LAMA3: variants seen among roughly 807,000 people sequenced by gnomAD.
The protein encoded by LAMA3 is laminin subunit alpha-3.
In LAMA3, 281 loss-of-function variants were observed where a neutral mutation model predicts 402.0. The ratio of observed to expected loss-of-function variants is 0.70; its 90% CI spans 0.63 to 0.77. The LOEUF is 0.77. Among genes scored for constraint, LAMA3 ranks in the 30% least tolerant of loss-of-function variants. The pLI is 0.00. For synonymous variants in LAMA3, 1,431 were observed against 1,558.4 expected (o/e 0.92, Z 1.93); for missense variants, 3,840 against 4,215.5 (o/e 0.91, Z 2.47).
At chr18:23,838,749 A>G (rs1338974136) in intron 25 of LAMA3, 32 bp from the exon 26 acceptor site, 15 of 1,259,452 alleles carry the variant, frequency 1.2e-5, no homozygotes, top group Middle Eastern at 1.9e-4. Flanking sequence ...GGTAACTGCA[A>G]TGTGCCTTTG....
At chr18:23,859,396 G>A (rs968688069) in intron 34 of LAMA3, among the ~76,000 whole-genome samples, 1 of 152,098 alleles carries the variant, frequency 6.6e-6, no homozygotes, top group Non-Finnish European at 1.5e-5. Context: ...CACAGGCTAA[G>A]GGCTCAGTTC....
At chr18:23,779,625 C>T (rs181434687) in intron 11 of LAMA3, among the ~76,000 whole-genome samples, 42 of 151,932 alleles carry the variant, frequency 2.8e-4, no homozygotes, top group Middle Eastern at 3.4e-3. Flanking sequence ...GGTGGGAGCT[C>T]GTGGATGTTC....
chr18:23,894,386 G>A, intron 43 of LAMA3, 38 bp downstream of exon 43: 1 of 1,568,214 alleles, frequency 6.4e-7, no homozygotes, highest in Non-Finnish European at 8.8e-7. Flanking sequence ...TTTCCAAGTT[G>A]TGGGGTTTGG....
chr18:23,826,613 T>C (rs1425710112), intron 21 of LAMA3, 89 bp from the exon 22 acceptor site: 3 of 968,606 alleles, frequency 3.1e-6, no homozygotes, highest in East Asian at 2.6e-5. Flanking sequence ...CTGGTTATTA[T>C]TGATTTAACT....
chr18:23,792,105 G>A (rs1354743854), intron 12 of LAMA3, among the ~76,000 whole-genome samples: 1 of 152,104 alleles, frequency 6.6e-6, no homozygotes, highest in Admixed American at 6.5e-5. Context: ...GAGATAATCT[G>A]GGAGGGGGTG....
intron 28 of LAMA3, 43 bp from the exon 29 acceptor site, chr18:23,842,568 A>C: frequency 6.2e-7 from 1 of 1,614,202 alleles, no homozygotes; most frequent in Non-Finnish European, 8.5e-7. Flanking sequence ...GGCTGAATCT[A>C]CAGTCCGGTG....
intron 12 of LAMA3, among the ~76,000 whole-genome samples, chr18:23,809,159 C>T (rs1486203494): frequency 1.3e-5 from 2 of 152,168 alleles, no homozygotes; most frequent in Non-Finnish European, 1.5e-5. Flanking sequence ...TGCGAAGCAT[C>T]GTGCTCAATG....
rs150275205 is a variant in LAMA3 at position 23,770,617 on chromosome 18, C to T, written c.1183-2880C>T. Among the ~76,000 whole-genome samples, 530 of 152,024 alleles carry T rather than the reference C, an allele frequency of 3.5e-3. 7 individuals carry two copies. Among genetic ancestry groups the T allele is most frequent in the African/African-American group, 0.012 (510 of 41,472 alleles). On this transcript the variant is annotated intron_variant, in intron 8 of 74. Coordinates refer to ENST00000313654, the MANE Select transcript of LAMA3 (RefSeq NM_198129.4). The stretch of plus-strand genomic sequence containing the variant: ...TCTACTAAAAATACCAAAAATTAGC[C>T]GGGCATGGTGGCGGGCGCCTGTAGT...
At position 23,907,135 on chromosome 18, in the gene LAMA3, T is replaced by C. The variant is rs370022001; in HGVS notation, c.6719-415T>C. 8.1e-4 allele frequency among the ~76,000 whole-genome samples: 123 copies of C among 152,378 alleles called. 4 individuals carry two copies. The South Asian group carries it at 0.024, about 30-fold the overall frequency. The stretch of plus-strand genomic sequence containing the variant: ...CTACATTATTAATTCATTCATTCAC[T>C]CATGTATTCATTTACTCAACAAACA... On this transcript the variant is annotated intron_variant, in intron 52 of 74. Transcript: ENST00000313654.
chr18:23,845,693 C>T (rs1317798759), intron 30 of LAMA3, among the ~76,000 whole-genome samples: 1 of 152,224 alleles, frequency 6.6e-6, no homozygotes, highest in Non-Finnish European at 1.5e-5. Flanking sequence ...GGGAGGCAGA[C>T]ACCTCCTGTA....
intron 65 of LAMA3, 153 bp downstream of exon 65, chr18:23,931,354 T>G: frequency 1.5e-6 from 1 of 688,964 alleles, no homozygotes; most frequent in Non-Finnish European, 2.5e-6. Context: ...TCCATATCAA[T>G]TTCTTCATAA....
At position 23,952,961 on chromosome 18, in the gene LAMA3, G is replaced by A; in HGVS notation, c.9737-29G>A. The A allele has an allele frequency of 2.5e-6, 4 of 1,613,594 alleles. No individual in the cohort carries two copies. In the South Asian group the frequency reaches 3.3e-5, roughly 13 times the overall value. ...ACATTAAGCAGGGCTCACCTCCGATGATAGACCTAACCAGCCTCCTTTCCC... is the reference window on the plus strand; with the variant it reads ...ACATTAAGCAGGGCTCACCTCCGATAATAGACCTAACCAGCCTCCTTTCCC... On this transcript the variant is annotated intron_variant, in intron 73 of 74. Coordinates refer to ENST00000313654, the MANE Select transcript of LAMA3 (RefSeq NM_198129.4).
intron 59 of LAMA3, among the ~76,000 whole-genome samples, chr18:23,916,305 A>G (rs1198900430): frequency 6.6e-6 from 1 of 152,146 alleles, no homozygotes; most frequent in South Asian, 2.1e-4. Flanking sequence ...AGACATTTCC[A>G]AAAGGGTATC....
chr18:23,898,453 TAAG>T (rs1481397159), intron 44 of LAMA3: 4 of 429,634 alleles, frequency 9.3e-6, no homozygotes, highest in Non-Finnish European at 1.7e-5. Context: ...ATTAATCAGG[TAAG>T]TAGTATCACC....
chr18:23,944,070 C>G, intron 69 of LAMA3, 99 bp downstream of exon 69: 1 of 1,205,888 alleles, frequency 8.3e-7, no homozygotes, highest in Non-Finnish European at 1.2e-6. Flanking sequence ...GACATGAGGG[C>G]GTGGAGTGGG....
chr18:23,816,611 T>C (rs2063180988), intron 18 of LAMA3, 124 bp downstream of exon 18: 1 of 773,524 alleles, frequency 1.3e-6, no homozygotes, highest in Non-Finnish European at 2.2e-6. Flanking sequence ...GGGGAAGCTG[T>C]CCTATGTCAA....
At position 23,842,590 on chromosome 18, in the gene LAMA3, GTCTC is replaced by G. The variant is rs45577833; in HGVS notation, c.3464-9_3464-6del. On this transcript the variant is annotated splice_polypyrimidine_tract_variant and intron_variant, in intron 28 of 74. Transcript: ENST00000313654. ...TCTACAGTCCGGTGCATGACAGAAA[GTCTC>G]TCTCTCTCTCTGCCAGGCTCCTTCC... 13,238 of 1,599,668 alleles carry G rather than the reference GTCTC, an allele frequency of 8.3e-3. 78 individuals carry two copies. Among genetic ancestry groups the G allele is most frequent in the Middle Eastern group, 0.038 (230 of 6,020 alleles).
chr18:23,822,488 C>A, intron 20 of LAMA3, 113 bp downstream of exon 20: 2 of 1,173,518 alleles, frequency 1.7e-6, no homozygotes, highest in South Asian at 2.5e-5. Flanking sequence ...AAGCCTGGCT[C>A]ATGGTCTGGT....
rs199558393 is a variant in LAMA3, at chr18:23,867,923, G to A, written c.4767+6G>A. The A allele has an allele frequency of 1.2e-6, 2 of 1,612,220 alleles. No homozygotes were observed. Among genetic ancestry groups the A allele is most frequent in the Middle Eastern group, 1.7e-4 (1 of 6,058 alleles). The stretch of plus-strand genomic sequence containing the variant: ...GACGAGTGCACGTGGTCGAGGTAAA[G>A]GAAGAGCAACCATAGGATGGTCCTT... On this transcript the variant is annotated splice_donor_region_variant and intron_variant, in intron 37 of 74. Coordinates refer to ENST00000313654, the MANE Select transcript of LAMA3 (RefSeq NM_198129.4).
Sources: allele counts gnomAD v4.1 joint callset (sites outside exome capture counted in the v4.1 genomes callset), GRCh38; gene constraint gnomAD v4.1.1; transcripts MANE v1.5; gene names NCBI Gene and HGNC (gene_info 2026-07-23, HGNC 2026-07-21).